Variants in ZNF385B observed in about 807,000 individuals in gnomAD.
ZNF385B encodes zinc finger protein 385B.
ZNF385B carries 23 observed loss-of-function variants against 39.2 expected under a neutral mutation model. The ratio of observed to expected loss-of-function variants is 0.59; its 90% CI spans 0.42 to 0.83. ZNF385B has a LOEUF of 0.83. Ranked by LOEUF, ZNF385B falls within the 40% of genes least tolerant of loss-of-function variation. The pLI is 0.00. For synonymous variants in ZNF385B, 205 were observed against 222.6 expected, an observed-to-expected ratio of 0.92 and a Z score of 0.70; for missense variants, 552 against 598.9, an observed-to-expected ratio of 0.92 and a Z score of 0.82.
At chr2:179,534,829 A>G (rs1464319987) in intron 4 of ZNF385B, 1 of 152,168 alleles carries the variant, frequency 6.6e-6, no homozygotes, top group African/African-American at 2.4e-5. Context: ...CTGAGGTCCC[A>G]AAGAACTCTC....
intron 3 of ZNF385B, among the ~76,000 whole-genome samples, chr2:179,602,632 A>G (rs1002598664): frequency 6.6e-6 from 1 of 152,216 alleles, no homozygotes; most frequent in Non-Finnish European, 1.5e-5. Flanking sequence ...TGACTAAATG[A>G]CTCAGACATT....
chr2:179,583,380 C>T (rs1253764091), intron 3 of ZNF385B, among the ~76,000 whole-genome samples: 7 of 152,112 alleles, frequency 4.6e-5, no homozygotes, highest in African/African-American at 1.7e-4. Context: ...CAATTTCTAA[C>T]TAATATAGAG....
At chr2:179,508,131 C>G (rs192762199) in intron 5 of ZNF385B, among the ~76,000 whole-genome samples, 4 of 152,028 alleles carry the variant, frequency 2.6e-5, no homozygotes. Flanking sequence ...TTGTCTTAAA[C>G]TGTAAAAACT....
At chr2:179,462,858 A>T (rs2051499671) in intron 6 of ZNF385B, among the ~76,000 whole-genome samples, 1 of 152,276 alleles carries the variant, frequency 6.6e-6, no homozygotes, top group East Asian at 1.9e-4. Context: ...GTGCATAAAG[A>T]TCTTGGAAAA....
intron 3 of ZNF385B, among the ~76,000 whole-genome samples, chr2:179,711,046 C>T (rs920027711): frequency 6.6e-6 from 1 of 152,192 alleles, no homozygotes; most frequent in Non-Finnish European, 1.5e-5. Flanking sequence ...CATGATGGGA[C>T]AGGGTGGATA....
In ZNF385B at chr2:179,829,116, A is replaced by C. The variant is rs562736020; in HGVS notation, c.-155+31985T>G. On this transcript the variant is annotated intron_variant, in intron 1 of 9. Transcript: ENST00000410066. Reference sequence around the variant, plus strand: ...TAAGGAATACAACCAGCTCCAAATCATACACACCATTCTAGTCTTTCCAAA... The same window carrying C: ...TAAGGAATACAACCAGCTCCAAATCCTACACACCATTCTAGTCTTTCCAAA... Among the ~76,000 whole-genome samples the C allele has an allele frequency of 2.6e-5, 4 of 152,292 alleles. No homozygotes were observed. The East Asian group carries it at 7.7e-4, about 29-fold the overall frequency.
chr2:179,556,397 C>A, intron 3 of ZNF385B, among the ~76,000 whole-genome samples: 1 of 148,478 alleles, frequency 6.7e-6, no homozygotes. Flanking sequence ...GCTTATAACC[C>A]AATAGTATTA....
intron 6 of ZNF385B, among the ~76,000 whole-genome samples, chr2:179,474,608 A>G (rs2053205731): frequency 6.6e-6 from 1 of 152,144 alleles, no homozygotes; most frequent in Non-Finnish European, 1.5e-5. Context: ...AAAGCACACA[A>G]TGCTCATTCA....
chr2:179,450,102 C>T (rs2049942752), intron 6 of ZNF385B, among the ~76,000 whole-genome samples: 1 of 151,842 alleles, frequency 6.6e-6, no homozygotes, highest in Middle Eastern at 3.4e-3. Context: ...AAAATTAATT[C>T]AAGATGGATT....
At chr2:179,766,039 C>CACACACAT (rs1703671937) in intron 3 of ZNF385B, among the ~76,000 whole-genome samples, 1 of 150,846 alleles carries the variant, frequency 6.6e-6, no homozygotes, top group African/African-American at 2.4e-5. Context: ...ATCACACACA[C>CACACACAT]ACACACACAC....
intron 3 of ZNF385B, among the ~76,000 whole-genome samples, chr2:179,728,058 C>A (rs1300010575): frequency 6.6e-6 from 1 of 152,060 alleles, no homozygotes; most frequent in Non-Finnish European, 1.5e-5. Flanking sequence ...CATTCCCATT[C>A]CCAGAGAGCA....
chr2:179,801,229 T>C lies in ZNF385B; in HGVS notation c.-154-30557A>G, dbSNP rs569062133. Reference sequence around the variant, plus strand: ...ATACTATGGAGTTGTTACTAGGAAGTAGCTGCTCACGGAGGCCTTGCCAAG... The same window carrying C: ...ATACTATGGAGTTGTTACTAGGAAGCAGCTGCTCACGGAGGCCTTGCCAAG... On this transcript the variant is annotated intron_variant, in intron 1 of 9. Coordinates refer to ENST00000410066, the MANE Select transcript of ZNF385B (RefSeq NM_152520.6). 3.3e-5 allele frequency among the ~76,000 whole-genome samples: 5 copies of C among 152,218 alleles called. No homozygotes were observed. The South Asian group carries it at 8.3e-4, about 25-fold the overall frequency.
chr2:179,717,440 TAAGA>T (rs1174963715), intron 3 of ZNF385B, among the ~76,000 whole-genome samples: 1 of 152,072 alleles, frequency 6.6e-6, no homozygotes, highest in East Asian at 1.9e-4. Flanking sequence ...AAAGAGAGAA[TAAGA>T]AAGTATGGCT....
intron 3 of ZNF385B, among the ~76,000 whole-genome samples, chr2:179,592,044 T>C (rs1687609176): frequency 6.6e-6 from 1 of 152,178 alleles, no homozygotes; most frequent in Non-Finnish European, 1.5e-5. Context: ...GCAGAAACAA[T>C]ATCTTTTCAA....
intron 1 of ZNF385B, among the ~76,000 whole-genome samples, chr2:179,809,780 C>A (rs1054624503): frequency 2.6e-5 from 4 of 151,924 alleles, no homozygotes; most frequent in Admixed American, 1.3e-4. Flanking sequence ...TGAATCATGA[C>A]CCTGAATTAT....
At chr2:179,563,485 C>T (rs17749412) in intron 3 of ZNF385B, among the ~76,000 whole-genome samples, 25,550 of 151,982 alleles carry the variant, frequency 0.17, 2,264 homozygotes, top group African/African-American at 0.22. Context: ...ACTTTAGTGA[C>T]GTACAGAAAA....
intron 3 of ZNF385B, among the ~76,000 whole-genome samples, chr2:179,740,743 CAT>C (rs1702041348): frequency 6.6e-6 from 1 of 152,014 alleles, no homozygotes; most frequent in Non-Finnish European, 1.5e-5. Context: ...TCCTAAAGAG[CAT>C]AGTTTAAATA....
chr2:179,445,723 T>C lies in ZNF385B; in HGVS notation c.967A>G (p.Lys323Glu), dbSNP rs1400720720. 5.0e-6 allele frequency: 8 copies of C among 1,608,614 alleles called. No individual in the cohort carries two copies. The highest frequency in any genetic ancestry group is 6.8e-6 in the Non-Finnish European group (8 of 1,178,188). Residue 323 changes from lysine (K) to glutamate (E), a missense_variant, in exon 8 of 10, where the codon AAA (lysine) becomes GAA (glutamate). Coordinates refer to ENST00000410066, the MANE Select transcript of ZNF385B (RefSeq NM_152520.6). ...SQLEAHNTGS[K>E]HKTMVEARNG... ...CGAGCTTCAACCATGGTCTTGTGTTTAGATCCTAAGACAGAAAGAGACACA... is the reference window on the plus strand; with the variant it reads ...CGAGCTTCAACCATGGTCTTGTGTTCAGATCCTAAGACAGAAAGAGACACA...
chr2:179,523,985 A>C (rs550567497), intron 4 of ZNF385B, among the ~76,000 whole-genome samples: 15 of 151,998 alleles, frequency 9.9e-5, no homozygotes, highest in African/African-American at 3.4e-4. Context: ...TATTATAGAG[A>C]CAGGGTCTCA....
Sources: gnomAD v4.1 joint callset for allele counts (sites outside exome capture counted in the v4.1 genomes callset) on GRCh38, gnomAD v4.1.1 for gene constraint, MANE v1.5 for transcripts, NCBI Gene and HGNC (gene_info 2026-07-23, HGNC 2026-07-21) for gene names.